Variants in LCLAT1 observed in about 807,000 individuals in gnomAD.
LCLAT1 encodes the protein 1-AGP acyltransferase 8.
Under a neutral mutation model 30.7 loss-of-function variants are expected in LCLAT1, and 11 were observed. The ratio of observed to expected loss-of-function variants is 0.36; its 90% CI spans 0.23 to 0.59. The LOEUF is 0.59. Among genes scored for constraint, LCLAT1 ranks in the 20% least tolerant of loss-of-function variants. The pLI, the probability that LCLAT1 is intolerant of heterozygous loss-of-function variation, is 0.77. For missense variants in LCLAT1, 402 were observed against 458.6 expected, an observed-to-expected ratio of 0.88 and a Z score of 1.13; for synonymous variants, 155 against 151.3, an observed-to-expected ratio of 1.02 and a Z score of -0.18.
chr2:30,529,591 G>C (rs992165546), intron 2 of LCLAT1, among the ~76,000 whole-genome samples: 5 of 152,178 alleles, frequency 3.3e-5, no homozygotes, highest in Admixed American at 3.3e-4. Flanking sequence ...CTGGGATTAT[G>C]AAAATTACTG....
intron 5 of LCLAT1, among the ~76,000 whole-genome samples, chr2:30,589,747 C>G (rs747700536): frequency 5.3e-5 from 8 of 152,236 alleles, no homozygotes; most frequent in Non-Finnish European, 1.2e-4. Flanking sequence ...TCTGTTTTAT[C>G]TTTGATATTC....
intron 3 of LCLAT1, among the ~76,000 whole-genome samples, chr2:30,544,084 A>G (rs990300102): frequency 5.3e-5 from 8 of 152,018 alleles, no homozygotes; most frequent in Non-Finnish European, 1.2e-4. Flanking sequence ...GTATTCACAT[A>G]TTTTTCTGTG....
At chr2:30,598,287 G>T (rs764276169) in intron 5 of LCLAT1, among the ~76,000 whole-genome samples, 1 of 151,926 alleles carries the variant, frequency 6.6e-6, no homozygotes, top group Non-Finnish European at 1.5e-5. Flanking sequence ...TTTTTTGGTT[G>T]GTAGGTTATT....
chr2:30,522,210 A>G (rs920168551), intron 1 of LCLAT1, among the ~76,000 whole-genome samples: 1 of 152,176 alleles, frequency 6.6e-6, no homozygotes, highest in African/African-American at 2.4e-5. Context: ...TTGGATATTC[A>G]GTAGAATTTC....
At chr2:30,598,970 C>CT (rs954642694) in intron 5 of LCLAT1, among the ~76,000 whole-genome samples, 213 of 143,992 alleles carry the variant, frequency 1.5e-3, no homozygotes, top group African/African-American at 3.1e-3. Context: ...GAGTGAGTTT[C>CT]TTTTTTTTTT....
chr2:30,549,815 T>C (rs1664599704), intron 3 of LCLAT1, among the ~76,000 whole-genome samples: 1 of 152,190 alleles, frequency 6.6e-6, no homozygotes, highest in South Asian at 2.1e-4. Flanking sequence ...ATTTAAAAAA[T>C]ATGGCTTTTC....
chr2:30,571,614 C>T (rs959300162), intron 5 of LCLAT1, among the ~76,000 whole-genome samples: 1 of 152,190 alleles, frequency 6.6e-6, no homozygotes, highest in South Asian at 2.1e-4. Context: ...GTAAGCCTCT[C>T]CCAGGGTGGC....
chr2:30,465,627 G>A (rs539012307), intron 1 of LCLAT1, among the ~76,000 whole-genome samples: 26 of 152,160 alleles, frequency 1.7e-4, no homozygotes, highest in South Asian at 4.1e-4. Flanking sequence ...GCTAATCACC[G>A]TTATTTATTG....
At chr2:30,536,624 T>C (rs1284037201) in intron 3 of LCLAT1, among the ~76,000 whole-genome samples, 1 of 152,008 alleles carries the variant, frequency 6.6e-6, no homozygotes, top group Non-Finnish European at 1.5e-5. Flanking sequence ...CTAAGAGAAA[T>C]GATTAATTAC....
chr2:30,497,169 G>A (rs529299784), intron 1 of LCLAT1, among the ~76,000 whole-genome samples: 3 of 152,280 alleles, frequency 2.0e-5, no homozygotes, highest in South Asian at 2.1e-4. Context: ...GATATAAACC[G>A]AAGTGCTTGG....
intron 1 of LCLAT1, among the ~76,000 whole-genome samples, chr2:30,479,356 A>T (rs1008556217): frequency 1.3e-5 from 2 of 151,900 alleles, no homozygotes; most frequent in African/African-American, 2.4e-5. Flanking sequence ...CAGCCTCCCA[A>T]GTAGTTGGGA....
chr2:30,565,343 G>A (rs1332655722), intron 4 of LCLAT1, among the ~76,000 whole-genome samples: 1 of 152,076 alleles, frequency 6.6e-6, no homozygotes, highest in Non-Finnish European at 1.5e-5. Flanking sequence ...GTCTTTTTCT[G>A]TTAAGGTCTT....
chr2:30,585,656 A>G (rs2148471575), intron 5 of LCLAT1, among the ~76,000 whole-genome samples: 1 of 152,238 alleles, frequency 6.6e-6, no homozygotes, highest in East Asian at 1.9e-4. Context: ...TTCCCTATCC[A>G]TAATCATCCT....
intron 5 of LCLAT1, among the ~76,000 whole-genome samples, chr2:30,593,453 C>T (rs1466853252): frequency 1.3e-5 from 2 of 152,142 alleles, no homozygotes; most frequent in African/African-American, 4.8e-5. Flanking sequence ...GTTACTCTAG[C>T]TTTGCAGCAT....
chr2:30,484,244 C>G (rs1683459117), intron 1 of LCLAT1, among the ~76,000 whole-genome samples: 1 of 152,112 alleles, frequency 6.6e-6, no homozygotes, highest in African/African-American at 2.4e-5. Context: ...TGTTACCATT[C>G]ATTGAGGATA....
intron 1 of LCLAT1, among the ~76,000 whole-genome samples, chr2:30,521,488 T>C (rs7575573): frequency 1.3e-4 from 6 of 47,894 alleles, no homozygotes; most frequent in African/African-American, 2.1e-4. Context: ...CTAAACTACT[T>C]CTTCTTTTTT....
chr2:30,572,560 C>G (rs1665828026), intron 5 of LCLAT1, among the ~76,000 whole-genome samples: 1 of 152,188 alleles, frequency 6.6e-6, no homozygotes, highest in South Asian at 2.1e-4. Context: ...ACCTGTGGAG[C>G]CTGGCTCCGT....
chr2:30,551,498 A>G (rs563463451), intron 3 of LCLAT1, among the ~76,000 whole-genome samples: 23 of 152,330 alleles, frequency 1.5e-4, no homozygotes, highest in African/African-American at 5.5e-4. Context: ...GTGAGAAACT[A>G]AAATCTAGGC....
chr2:30,605,694 AAG>A (rs779769663), intron 5 of LCLAT1, among the ~76,000 whole-genome samples: 1 of 152,202 alleles, frequency 6.6e-6, no homozygotes, highest in Non-Finnish European at 1.5e-5. Flanking sequence ...CCTTTAAAGA[AAG>A]AAAGGTATAA....
Sources: gnomAD v4.1 joint callset for allele counts (sites outside exome capture counted in the v4.1 genomes callset) on GRCh38, gnomAD v4.1.1 for gene constraint, MANE v1.5 for transcripts, NCBI Gene and HGNC (gene_info 2026-07-23, HGNC 2026-07-21) for gene names.